PTPRD: variants seen among roughly 807,000 people sequenced by gnomAD.
PTPRD encodes receptor-type tyrosine-protein phosphatase delta.
Under a neutral mutation model 214.5 loss-of-function variants are expected in PTPRD, and 34 were observed. The ratio of observed to expected loss-of-function variants is 0.16; its 90% CI spans 0.12 to 0.21. The LOEUF (loss-of-function observed/expected upper bound fraction) is 0.21. Among genes scored for constraint, PTPRD ranks in the 10% least tolerant of loss-of-function variants. The probability of loss-of-function intolerance (pLI) is 1.00; values close to 1 mark genes in which losing one functional copy is unlikely to be tolerated. For synonymous variants in PTPRD, 1,128 were observed against 845.7 expected, an observed-to-expected ratio of 1.33 and a Z score of -5.79; for missense variants, 2,545 against 2,398.7, an observed-to-expected ratio of 1.06 and a Z score of -1.27.
chr9:10,251,753 A>G (rs1434975014), intron 3 of PTPRD, among the ~76,000 whole-genome samples: 3 of 152,156 alleles, frequency 2.0e-5, no homozygotes, highest in East Asian at 1.9e-4. Flanking sequence ...TCATATCGCA[A>G]TGTGACCTTG....
At chr9:10,440,692 T>A (rs1412697038) in intron 2 of PTPRD, among the ~76,000 whole-genome samples, 1 of 151,772 alleles carries the variant, frequency 6.6e-6, no homozygotes, top group East Asian at 1.9e-4. Flanking sequence ...TCATTTCACC[T>A]CGAGAGCCAA....
chr9:10,062,409 C>G (rs987486371), intron 3 of PTPRD, among the ~76,000 whole-genome samples: 1 of 151,936 alleles, frequency 6.6e-6, no homozygotes, highest in Admixed American at 6.6e-5. Context: ...AGTTCAAAAC[C>G]AGCCTGGCCA....
intron 8 of PTPRD, among the ~76,000 whole-genome samples, chr9:9,540,488 G>C (rs1020520559): frequency 6.6e-6 from 1 of 151,674 alleles, no homozygotes; most frequent in Non-Finnish European, 1.5e-5. Context: ...AGTGAAATAG[G>C]AGTACCAAAA....
At chr9:9,975,302 C>A (rs1390676774) in intron 4 of PTPRD, among the ~76,000 whole-genome samples, 1 of 152,202 alleles carries the variant, frequency 6.6e-6, no homozygotes, top group African/African-American at 2.4e-5. Context: ...TGAACCAACC[C>A]TTCGTATAGT....
chr9:9,898,002 A>C (rs1164885506), intron 5 of PTPRD, among the ~76,000 whole-genome samples: 1 of 152,034 alleles, frequency 6.6e-6, no homozygotes, highest in Non-Finnish European at 1.5e-5. Flanking sequence ...TTACTTATAA[A>C]AACAGGTGGC....
chr9:8,368,415 G>A (rs1261941071), intron 39 of PTPRD, among the ~76,000 whole-genome samples: 1 of 152,110 alleles, frequency 6.6e-6, no homozygotes, highest in African/African-American at 2.4e-5. Flanking sequence ...CACGAAATGG[G>A]AACAGGATTG....
chr9:9,766,529 C>T (rs923129664), intron 6 of PTPRD, among the ~76,000 whole-genome samples: 2 of 152,060 alleles, frequency 1.3e-5, no homozygotes, highest in Non-Finnish European at 2.9e-5. Context: ...CTTTCATCAA[C>T]CTTTGAATAG....
intron 44 of PTPRD, among the ~76,000 whole-genome samples, chr9:8,320,910 C>G (rs12352299): frequency 1.3e-5 from 2 of 152,008 alleles, no homozygotes; most frequent in East Asian, 3.9e-4. Flanking sequence ...TTTTTGGATC[C>G]TAATTAAACA....
At chr9:9,074,953 A>T (rs1302273396) in intron 10 of PTPRD, among the ~76,000 whole-genome samples, 1 of 151,806 alleles carries the variant, frequency 6.6e-6, no homozygotes, top group East Asian at 1.9e-4. Flanking sequence ...CTTATCACAG[A>T]TCACTGACAA....
intron 14 of PTPRD, among the ~76,000 whole-genome samples, chr9:8,578,899 CAG>C (rs1253564009): frequency 6.6e-6 from 1 of 152,188 alleles, no homozygotes; most frequent in Non-Finnish European, 1.5e-5. Context: ...CAATTCATCT[CAG>C]GCATTGTATT....
rs184111173 is a variant in PTPRD, at chr9:9,008,296, T to C, written c.-104+10401A>G. Among the ~76,000 whole-genome samples, 622 of 151,384 alleles carry C rather than the reference T, an allele frequency of 4.1e-3. 6 individuals are homozygous for C. The highest frequency in any genetic ancestry group is 0.014 in the African/African-American group (570 of 41,280). On this transcript the variant is annotated intron_variant, in intron 11 of 45. Transcript: ENST00000381196. ...CAGGCTGGAGTCCAGTGGCCGATCT[T>C]GGCTCACTGCAAGCTCCGCCTCCCC...
chr9:10,177,595 G>C (rs1421419183), intron 3 of PTPRD, among the ~76,000 whole-genome samples: 1 of 151,832 alleles, frequency 6.6e-6, no homozygotes, highest in Non-Finnish European at 1.5e-5. Flanking sequence ...TGTATTTGTG[G>C]TGAACTATGA....
In PTPRD at chr9:8,524,633, A is replaced by T. The variant is rs558908799; in HGVS notation, c.679+292T>A. 20 of 452,444 alleles carry T rather than the reference A, an allele frequency of 4.4e-5. No individual in the cohort carries two copies. The South Asian group carries it at 4.7e-4, about 11-fold the overall frequency. The allele number at this position is 452,444 out of a possible 1,614,324, so 28.0% of individuals were successfully genotyped here. On this transcript the variant is annotated intron_variant, in intron 18 of 45. Transcript: ENST00000381196. Reference sequence around the variant, plus strand: ...AGAAAGAAAAAGAAGAAAACCTCAAACAAATGCAAAGCACAGTTCAATCAA... The same window carrying T: ...AGAAAGAAAAAGAAGAAAACCTCAATCAAATGCAAAGCACAGTTCAATCAA...
rs867218535 is a variant in PTPRD at position 10,279,234 on chromosome 9, A to G, written c.-545+61729T>C. Among the ~76,000 whole-genome samples the G allele has an allele frequency of 3.3e-5, 5 of 152,068 alleles. 1 individual carries two copies. The Middle Eastern group carries it at 0.01, about 310-fold the overall frequency. ...TTCAAGGGCATATGATCATCCACAT[A>G]TAGCAGAGCTTAACTGAAAAAATAT... On this transcript the variant is annotated intron_variant, in intron 3 of 45. Transcript: ENST00000381196.
intron 3 of PTPRD, among the ~76,000 whole-genome samples, chr9:10,110,034 T>A (rs1392860900): frequency 6.6e-6 from 1 of 152,052 alleles, no homozygotes; most frequent in Non-Finnish European, 1.5e-5. Flanking sequence ...TCTGATGCAT[T>A]GTGTGAGGAA....
At position 8,636,635 on chromosome 9, in the gene PTPRD, G is replaced by A. The variant is rs79984675; in HGVS notation, c.210+64C>T. 1,510 of 1,572,262 alleles carry A rather than the reference G, an allele frequency of 9.6e-4. 16 individuals carry two copies. In the African/African-American group the frequency reaches 0.017, roughly 18 times the overall value. On this transcript the variant is annotated intron_variant, in intron 13 of 45. Coordinates refer to ENST00000381196, the MANE Select transcript of PTPRD (RefSeq NM_002839.4). ...TATCAGAGTAAAGCAAGCAAGTAAC[G>A]TAGAAACCAAAGACAGAGCAGATAC...
chr9:9,840,674 A>G (rs934991417), intron 5 of PTPRD, among the ~76,000 whole-genome samples: 2 of 147,176 alleles, frequency 1.4e-5, no homozygotes, highest in African/African-American at 5.0e-5. Flanking sequence ...GAGGCAGGAG[A>G]ATCGCTTGAA....
At position 8,460,111 on chromosome 9, in the gene PTPRD, T is replaced by A. The variant is rs116820946; in HGVS notation, c.3875+300A>T. ...TTGCATGGAATTATTTGCTTGTGAATGCACTAATGCCTCAATTGTTATGAA... is the reference window on the plus strand; with the variant it reads ...TTGCATGGAATTATTTGCTTGTGAAAGCACTAATGCCTCAATTGTTATGAA... On this transcript the variant is annotated intron_variant, in intron 33 of 45. Coordinates refer to ENST00000381196, the MANE Select transcript of PTPRD (RefSeq NM_002839.4). Among the ~76,000 whole-genome samples, 1,002 of 152,244 alleles carry A rather than the reference T, an allele frequency of 6.6e-3. 11 individuals carry two copies. The highest frequency in any genetic ancestry group is 0.023 in the African/African-American group (943 of 41,556).
At chr9:9,182,528 G>A (rs1038008229) in intron 10 of PTPRD, among the ~76,000 whole-genome samples, 2 of 151,952 alleles carry the variant, frequency 1.3e-5, no homozygotes, top group Admixed American at 6.6e-5. Context: ...CAAGCCAACA[G>A]ATCAAATATC....
Sources: allele counts gnomAD v4.1 joint callset (sites outside exome capture counted in the v4.1 genomes callset), GRCh38; gene constraint gnomAD v4.1.1; transcripts MANE v1.5; gene names NCBI Gene and HGNC (gene_info 2026-07-23, HGNC 2026-07-21).